The following FAM178B variants were observed in gnomAD, a reference collection of about 807,000 sequenced individuals.
FAM178B encodes family with sequence similarity 178 member B.
Under a neutral mutation model 91.7 loss-of-function variants are expected in FAM178B, and 82 were observed. That is an observed-to-expected ratio of 0.89 (90% CI 0.75 to 1.07). FAM178B has a LOEUF of 1.07. Among genes scored for constraint, FAM178B ranks in the 50% least tolerant of loss-of-function variants. The pLI is 0.00. For synonymous variants in FAM178B, 368 were observed against 359.4 expected (o/e 1.02, Z -0.27); for missense variants, 769 against 846.7 (o/e 0.91, Z 1.14).
chr2:96,903,019 A>G (rs955818468), intron 12 of FAM178B, among the ~76,000 whole-genome samples: 3 of 151,886 alleles, frequency 2.0e-5, no homozygotes, highest in Admixed American at 6.6e-5. Flanking sequence ...TAGAGGCAGC[A>G]GCACTGAACT....
Position 96,915,259 on chromosome 2 carries a change from G to A in FAM178B, c.1562+5906C>T, listed in dbSNP as rs766779102. On this transcript the variant is annotated intron_variant, in intron 12 of 16. Transcript: ENST00000490605. ...TGAATAGCTGGGATTACAGGTGCAT[G>A]CCACCATGCCCAGCTAATTTTTTTT... Among the ~76,000 whole-genome samples, 33 of 151,810 alleles carry A rather than the reference G, an allele frequency of 2.2e-4. 1 individual carries two copies. The highest frequency in any genetic ancestry group is 3.8e-4 in the Non-Finnish European group (26 of 67,956).
At chr2:96,952,702 G>T (rs974394426) in intron 6 of FAM178B, among the ~76,000 whole-genome samples, 10 of 152,194 alleles carry the variant, frequency 6.6e-5, no homozygotes, top group Non-Finnish European at 1.2e-4. Flanking sequence ...TCCCCAGAGA[G>T]CCTGGGTTTG....
At chr2:96,948,230 G>C (rs1241173520) in intron 7 of FAM178B, among the ~76,000 whole-genome samples, 1 of 152,230 alleles carries the variant, frequency 6.6e-6, no homozygotes, top group Non-Finnish European at 1.5e-5. Flanking sequence ...GCTCCCTGTG[G>C]TCATAGCCAT....
chr2:96,891,441 C>A (rs899945229), intron 14 of FAM178B, among the ~76,000 whole-genome samples: 3 of 152,126 alleles, frequency 2.0e-5, no homozygotes, highest in Non-Finnish European at 4.4e-5. Context: ...AGAATGGGGG[C>A]AGGAGAGCGA....
At chr2:96,986,151 G>A in intron 1 of FAM178B, 90 bp downstream of exon 1, 1 of 1,524,714 alleles carries the variant, frequency 6.6e-7, no homozygotes. Context: ...GACCTGCAAG[G>A]CCTGGACCAG....
intron 5 of FAM178B, among the ~76,000 whole-genome samples, chr2:96,964,646 AAG>A (rs1196958305): frequency 1.3e-5 from 2 of 152,162 alleles, no homozygotes; most frequent in African/African-American, 4.8e-5. Flanking sequence ...CTATCAAAGA[AAG>A]AGAAACAGAA....
chr2:96,932,153 T>G lies in FAM178B; in HGVS notation c.1079-2833A>C, dbSNP rs1488395992. 2.0e-5 allele frequency among the ~76,000 whole-genome samples: 3 copies of G among 152,232 alleles called. No homozygotes were observed. The East Asian group carries it at 5.8e-4, about 29-fold the overall frequency. ...GCAGCCTCAGACCCCAAGGAGGTTG[T>G]GCCCGCCTCCCCTTGAGATCCCCAC... On this transcript the variant is annotated intron_variant, in intron 8 of 16. Coordinates refer to ENST00000490605, the MANE Select transcript of FAM178B (RefSeq NM_001122646.3).
At chr2:96,939,961 T>C (rs934904369) in intron 8 of FAM178B, among the ~76,000 whole-genome samples, 1 of 152,190 alleles carries the variant, frequency 6.6e-6, no homozygotes, top group Non-Finnish European at 1.5e-5. Context: ...CAGAGATCAA[T>C]TATGACGCTG....
intron 8 of FAM178B, among the ~76,000 whole-genome samples, chr2:96,929,707 A>G (rs917808969): frequency 2.8e-4 from 42 of 151,596 alleles, no homozygotes; most frequent in Non-Finnish European, 5.4e-4. Flanking sequence ...ACGTCCTTAG[A>G]CTCTCTTGCT....
intron 13 of FAM178B, among the ~76,000 whole-genome samples, chr2:96,894,748 C>A (rs1373220714): frequency 1.1e-5 from 1 of 87,924 alleles, no homozygotes; most frequent in Non-Finnish European, 2.3e-5. Flanking sequence ...CCCACTCACC[C>A]CCCCCACAGA....
chr2:96,974,374 T>C (rs1574322218), intron 1 of FAM178B, among the ~76,000 whole-genome samples: 2 of 85,506 alleles, frequency 2.3e-5, no homozygotes, highest in Admixed American at 1.9e-4. Context: ...AGAGCAAGAC[T>C]CCATCTCAAA....
intron 14 of FAM178B, among the ~76,000 whole-genome samples, chr2:96,882,460 A>G (rs2080410326): frequency 6.6e-6 from 1 of 152,218 alleles, no homozygotes. Context: ...CTTCCCAGCA[A>G]GACAAGAAGG....
chr2:96,891,456 C>T (rs555505699), intron 14 of FAM178B, among the ~76,000 whole-genome samples: 30 of 152,224 alleles, frequency 2.0e-4, no homozygotes, highest in Non-Finnish European at 3.7e-4. Flanking sequence ...GAGCGAACAG[C>T]GAATGCCAGA....
chr2:96,975,139 A>G (rs1209847333), intron 1 of FAM178B, among the ~76,000 whole-genome samples: 3 of 150,556 alleles, frequency 2.0e-5, no homozygotes, highest in Non-Finnish European at 3.0e-5. Flanking sequence ...TCAAGAAGCT[A>G]TAACAGAGAT....
chr2:96,954,711 A>T (rs1256828624), intron 6 of FAM178B, among the ~76,000 whole-genome samples: 1 of 152,220 alleles, frequency 6.6e-6, no homozygotes, highest in Admixed American at 6.5e-5. Context: ...ACCAATAGCA[A>T]CCAAAGCGTT....
intron 14 of FAM178B, among the ~76,000 whole-genome samples, chr2:96,878,955 C>A (rs116444825): frequency 2.6e-5 from 4 of 152,152 alleles, no homozygotes; most frequent in African/African-American, 9.7e-5. Context: ...AGATGGGAGC[C>A]GAAGGTTTTG....
chr2:96,876,494 A>G (rs1366184690), intron 16 of FAM178B, among the ~76,000 whole-genome samples, 186 bp from the exon 17 acceptor site: 5 of 152,322 alleles, frequency 3.3e-5, no homozygotes, highest in African/African-American at 4.8e-5. Context: ...ACGTGACCGT[A>G]TAAGTGGTCT....
intron 8 of FAM178B, among the ~76,000 whole-genome samples, chr2:96,947,058 G>A (rs1175267988): frequency 2.0e-5 from 3 of 152,198 alleles, no homozygotes; most frequent in African/African-American, 7.2e-5. Flanking sequence ...CTACAGCTGG[G>A]GCAGAGGCGG....
chr2:96,960,482 C>G (rs953782255), intron 5 of FAM178B, 42 bp from the exon 6 acceptor site: 1 of 1,503,276 alleles, frequency 6.7e-7, no homozygotes, highest in South Asian at 1.3e-5. Flanking sequence ...TCAGCAGATG[C>G]ACCTCGGCCT....
Sources: allele counts gnomAD v4.1 joint callset (sites outside exome capture counted in the v4.1 genomes callset), GRCh38; gene constraint gnomAD v4.1.1; transcripts MANE v1.5; gene names NCBI Gene and HGNC (gene_info 2026-07-23, HGNC 2026-07-21).